IGF2BP3: variants seen among roughly 807,000 people sequenced by gnomAD.
IGF2BP3 encodes the protein insulin-like growth factor 2 mRNA-binding protein 3.
Under a neutral mutation model 73.8 loss-of-function variants are expected in IGF2BP3, and 9 were observed. The ratio of observed to expected loss-of-function variants is 0.12; its 90% confidence interval spans 0.07 to 0.21. The LOEUF (loss-of-function observed/expected upper bound fraction) is 0.21, where lower values mean the gene tolerates loss of function less well. Ranked by LOEUF, IGF2BP3 falls within the 10% of genes least tolerant of loss-of-function variation. The pLI, the probability that IGF2BP3 is intolerant of heterozygous loss-of-function variation, is 1.00. For missense variants in IGF2BP3, 542 were observed against 714.0 expected (o/e 0.76, Z 2.75); for synonymous variants, 258 against 256.7 (o/e 1.01, Z -0.05).
At chr7:23,443,299 AT>A (rs1432816464) in intron 2 of IGF2BP3, among the ~76,000 whole-genome samples, 1 of 151,534 alleles carries the variant, frequency 6.6e-6, no homozygotes, top group Non-Finnish European at 1.5e-5. Flanking sequence ...CTAATTTTGT[AT>A]TTTTAGTAGA....
At chr7:23,446,291 C>CTCA (rs769441858) in intron 2 of IGF2BP3, among the ~76,000 whole-genome samples, 22 of 152,124 alleles carry the variant, frequency 1.4e-4, no homozygotes, top group Non-Finnish European at 3.2e-4. Context: ...AGTGTGGTGG[C>CTCA]TCATACCTTT....
intron 3 of IGF2BP3, among the ~76,000 whole-genome samples, chr7:23,377,987 A>AG (rs2128515310): frequency 6.6e-6 from 1 of 152,290 alleles, no homozygotes; most frequent in Admixed American, 6.5e-5. Flanking sequence ...TAATGGCTAT[A>AG]GGGTTACTTT....
Position 23,357,968 on chromosome 7 carries a change from T to C in IGF2BP3, c.401+3566A>G, listed in dbSNP as rs571459086. 7.9e-5 allele frequency among the ~76,000 whole-genome samples: 12 copies of C among 152,318 alleles called. No individual in the cohort carries two copies. In the East Asian group the frequency reaches 2.3e-3, roughly 29 times the overall value. On this transcript the variant is annotated intron_variant, in intron 5 of 14. Coordinates refer to ENST00000258729, the MANE Select transcript of IGF2BP3 (RefSeq NM_006547.3). Reference sequence around the variant, plus strand: ...ATCAGTGACCAGCCATCACTGGAAATGAAGTATACCAAACAATAACAGGGG... The same window carrying C: ...ATCAGTGACCAGCCATCACTGGAAACGAAGTATACCAAACAATAACAGGGG...
intron 3 of IGF2BP3, among the ~76,000 whole-genome samples, chr7:23,400,591 T>C (rs1786627876): frequency 6.6e-6 from 1 of 152,210 alleles, no homozygotes. Flanking sequence ...GCTGTACTTG[T>C]TCCACCCACT....
intron 3 of IGF2BP3, among the ~76,000 whole-genome samples, chr7:23,394,036 A>C (rs565173637): frequency 3.6e-4 from 55 of 152,290 alleles, no homozygotes; most frequent in African/African-American, 1.3e-3. Flanking sequence ...TGTATACCAT[A>C]ATCTTTCAGA....
chr7:23,469,078 T>A lies in IGF2BP3; in HGVS notation c.176-536A>T, dbSNP rs767581723. 7.2e-5 allele frequency among the ~76,000 whole-genome samples: 11 copies of A among 152,156 alleles called. No homozygotes were observed. The highest frequency in any genetic ancestry group is 1.3e-4 in the Non-Finnish European group (9 of 68,024). ...GGCAGAGGCGCAGCTCGGCACAGGCTGAACCAGGCGCGAAGGACGGCGAGG... is the reference window on the plus strand; with the variant it reads ...GGCAGAGGCGCAGCTCGGCACAGGCAGAACCAGGCGCGAAGGACGGCGAGG... On this transcript the variant is annotated intron_variant, in intron 1 of 14. Coordinates refer to ENST00000258729, the MANE Select transcript of IGF2BP3 (RefSeq NM_006547.3). This position sits in a 1 kb window ranked among gnomAD's most constrained non-coding sequence, Gnocchi z 6.1.
rs551638120 is a variant in IGF2BP3, at chr7:23,351,448, T to C, written c.540A>G (p.Ser180=). Residue 180 remains serine (S), a synonymous_variant, in exon 6 of 15, where the codon TCA becomes TCG. Transcript: ENST00000258729. ...ATACGGATCCTGGAGACCCCTGCCT[T>C]GAGGAGCCCCTCTGCCCAAGCCCCC... ...GRRGLGQRGS[S]RQGSPGSVSK... The C allele has an allele frequency of 6.2e-7, 1 of 1,613,610 alleles. No homozygotes were observed. Among genetic ancestry groups the C allele is most frequent in the East Asian group, 2.2e-5 (1 of 44,866 alleles).
At chr7:23,421,615 T>C (rs1354500740) in intron 2 of IGF2BP3, among the ~76,000 whole-genome samples, 1 of 144,382 alleles carries the variant, frequency 6.9e-6, no homozygotes, top group East Asian at 2.2e-4. Flanking sequence ...TTGCTTGACC[T>C]GGGAGGCAGA....
chr7:23,319,850 A>G (rs947110745), intron 10 of IGF2BP3, among the ~76,000 whole-genome samples: 1 of 152,220 alleles, frequency 6.6e-6, no homozygotes, highest in African/African-American at 2.4e-5. Context: ...AATTCACTTT[A>G]GTGGTAAGAT....
Position 23,423,486 on chromosome 7 carries a change from G to A in IGF2BP3, c.237-4662C>T, listed in dbSNP as rs191513291. On this transcript the variant is annotated intron_variant, in intron 2 of 14. Coordinates refer to ENST00000258729, the MANE Select transcript of IGF2BP3 (RefSeq NM_006547.3). The stretch of plus-strand genomic sequence containing the variant: ...TCATTAAAGTTCAATATAACTATCA[G>A]AAAATAAATTAGCATTTCACCATCT... Among the ~76,000 whole-genome samples the A allele has an allele frequency of 1.5e-3, 226 of 152,216 alleles. 1 individual carries two copies. Among genetic ancestry groups the A allele is most frequent in the African/African-American group, 5.2e-3 (217 of 41,526 alleles).
intron 2 of IGF2BP3, among the ~76,000 whole-genome samples, chr7:23,466,024 G>GTTTT (rs71552233): frequency 1.4e-5 from 2 of 142,526 alleles, no homozygotes; most frequent in African/African-American, 2.6e-5. Context: ...GAGAAAAAAG[G>GTTTT]TTTTTTTTTT....
Position 23,470,386 on chromosome 7 carries a change from C to A in IGF2BP3, c.-276G>T, listed in dbSNP as rs992171252. ...AGTCTTCCTAAGTCTTAGGAGGAGG[C>A]GGGATTAGCAAGAGAAAGGAGGAGG... On this transcript the variant is annotated 5_prime_UTR_variant, in exon 1 of 15. Coordinates refer to ENST00000258729, the MANE Select transcript of IGF2BP3 (RefSeq NM_006547.3). 8.5e-6 allele frequency: 2 copies of A among 235,896 alleles called. No individual in the cohort carries two copies. Among genetic ancestry groups the A allele is most frequent in the Admixed American group, 1.1e-4 (2 of 17,632 alleles). The allele number at this position is 235,896 out of a possible 1,614,324, so 14.6% of individuals were successfully genotyped here.
At chr7:23,441,666 T>C (rs1365406364) in intron 2 of IGF2BP3, among the ~76,000 whole-genome samples, 2 of 147,672 alleles carry the variant, frequency 1.4e-5, no homozygotes, top group Non-Finnish European at 3.0e-5. Context: ...GAACCTTAAC[T>C]GCTCCCACCT....
intron 11 of IGF2BP3, 123 bp downstream of exon 11, chr7:23,319,015 T>G (rs1370477299): frequency 4.4e-6 from 3 of 684,922 alleles, no homozygotes; most frequent in Non-Finnish European, 7.5e-6. Context: ...GGGGGTTTCT[T>G]CATATCCTTA....
chr7:23,361,474 AAT>A (rs1285750351), intron 5 of IGF2BP3, 58 bp downstream of exon 5: 73 of 1,422,990 alleles, frequency 5.1e-5, no homozygotes, highest in Non-Finnish European at 7.0e-5. Flanking sequence ...AAATCCGCAA[AAT>A]ATGTTACTGT....
At chr7:23,411,565 G>A (rs757167115) in intron 3 of IGF2BP3, among the ~76,000 whole-genome samples, 8 of 152,218 alleles carry the variant, frequency 5.3e-5, no homozygotes, top group Non-Finnish European at 8.8e-5. Flanking sequence ...TGGGCAACAA[G>A]TGTGAAATGC....
At chr7:23,361,418 T>C in intron 5 of IGF2BP3, 116 bp downstream of exon 5, 1 of 764,554 alleles carries the variant, frequency 1.3e-6, no homozygotes, top group Non-Finnish European at 2.2e-6. Context: ...TCAAATTTTG[T>C]AAAATAAAGT....
chr7:23,438,051 T>C (rs1184582041), intron 2 of IGF2BP3, among the ~76,000 whole-genome samples: 1 of 152,242 alleles, frequency 6.6e-6, no homozygotes, highest in East Asian at 1.9e-4. Flanking sequence ...TTCAGGAAAA[T>C]TGTTCAATAT....
rs1046826817 is a variant in IGF2BP3, at chr7:23,468,408, A to T, written c.236+74T>A. 7.5e-6 allele frequency: 11 copies of T among 1,473,630 alleles called. No homozygotes were observed. In the African/African-American group the frequency reaches 1.5e-4, roughly 20 times the overall value. 91.3% of individuals were successfully genotyped at this position (1,473,630 alleles called of 1,614,324 possible). ...CAGGGGGTAAGCACCAGAGGACAAG[A>T]AGTTCTCAGCTGAGTCTCTCCACCC... is the stretch of plus-strand genomic sequence containing the variant. On this transcript the variant is annotated intron_variant, in intron 2 of 14. Coordinates refer to ENST00000258729, the MANE Select transcript of IGF2BP3 (RefSeq NM_006547.3).
Sources: allele counts gnomAD v4.1 joint callset (sites outside exome capture counted in the v4.1 genomes callset), GRCh38; gene constraint gnomAD v4.1.1; non-coding constraint Gnocchi (gnomAD v3.1); transcripts MANE v1.5; gene names NCBI Gene and HGNC (gene_info 2026-07-23, HGNC 2026-07-21).